MAST4: variants seen among roughly 807,000 people sequenced by gnomAD.
MAST4 encodes the protein microtubule associated serine/threonine kinase family member 4.
Under a neutral mutation model 162.7 loss-of-function variants are expected in MAST4, and 89 were observed. That is an observed-to-expected ratio of 0.55 (90% confidence interval 0.46 to 0.65). MAST4 has a LOEUF of 0.65. Among genes scored for constraint, MAST4 ranks in the 30% least tolerant of loss-of-function variants. MAST4 has a pLI of 0.00. For synonymous variants in MAST4, 1,479 were observed against 1,361.1 expected, an observed-to-expected ratio of 1.09 and a Z score of -1.91; for missense variants, 3,153 against 3,374.0, an observed-to-expected ratio of 0.93 and a Z score of 1.62.
chr5:67,014,807 T>C (rs556789956), intron 4 of MAST4, among the ~76,000 whole-genome samples: 1 of 152,228 alleles, frequency 6.6e-6, no homozygotes, highest in Non-Finnish European at 1.5e-5. Flanking sequence ...ACTTCATTTT[T>C]CTATAACATT....
At chr5:67,027,215 A>G (rs962797369) in intron 4 of MAST4, among the ~76,000 whole-genome samples, 8 of 152,180 alleles carry the variant, frequency 5.3e-5, no homozygotes, top group Non-Finnish European at 1.2e-4. Flanking sequence ...TGCTGTTTGT[A>G]TTTATTGGCA....
intron 2 of MAST4, among the ~76,000 whole-genome samples, chr5:66,779,246 G>A (rs1318518472): frequency 5.9e-5 from 9 of 152,152 alleles, no homozygotes; most frequent in Admixed American, 1.3e-4. Context: ...CCCAATACCA[G>A]CCTTCCAAAA....
chr5:67,004,253 C>T (rs1476633544), intron 4 of MAST4, among the ~76,000 whole-genome samples: 7 of 152,054 alleles, frequency 4.6e-5, no homozygotes, highest in African/African-American at 1.7e-4. Context: ...TCAGGCGCGG[C>T]CGGGGCTGGT....
chr5:66,758,378 A>G (rs778449074), intron 1 of MAST4, among the ~76,000 whole-genome samples: 22 of 151,472 alleles, frequency 1.5e-4, no homozygotes, highest in Non-Finnish European at 2.9e-4. Flanking sequence ...AACTATTATT[A>G]TTAAATAAAT....
intron 4 of MAST4, among the ~76,000 whole-genome samples, chr5:67,017,689 T>G (rs1753475818): frequency 6.6e-6 from 1 of 150,884 alleles, no homozygotes. Context: ...GTGCAACCTC[T>G]GCCTCCCAGG....
chr5:66,944,212 TA>T (rs1160671568), intron 4 of MAST4, among the ~76,000 whole-genome samples: 4 of 152,194 alleles, frequency 2.6e-5, no homozygotes, highest in African/African-American at 7.2e-5. Context: ...ATAATGTGTT[TA>T]ATTTTCCACC....
chr5:66,642,947 G>T (rs1216631841), intron 1 of MAST4, among the ~76,000 whole-genome samples: 1 of 152,136 alleles, frequency 6.6e-6, no homozygotes, highest in East Asian at 1.9e-4. Context: ...GGAAGAAGGG[G>T]TGCCATGCCA....
At chr5:67,074,069 A>G (rs1761293015) in intron 5 of MAST4, among the ~76,000 whole-genome samples, 1 of 152,190 alleles carries the variant, frequency 6.6e-6, no homozygotes, top group Non-Finnish European at 1.5e-5. Flanking sequence ...TAATGGGCAG[A>G]AGATCAATAT....
Position 67,163,704 on chromosome 5 carries a change from T to A in MAST4, c.4525T>A (p.Cys1509Ser). 1 of 1,609,290 alleles carries A rather than the reference T, an allele frequency of 6.2e-7. No homozygotes were observed. ...LSRARPVEQG[C>S]LKRPVSRKVG... ...CCGCGCCCGGCCAGTGGAGCAAGGC[T>A]GCCTGAAACGCCCAGTCTCCCGGAA... Residue 1509 changes from cysteine to serine, a missense_variant, in exon 29 of 29, where the codon TGC becomes AGC. Cys to Ser is a moderately radical substitution (Grantham distance 112, BLOSUM62 -1). This residue lies in a region of MAST4 where 1,644 missense variants were observed against 1,495.0 expected (regional missense o/e 1.10). Coordinates refer to ENST00000403625, the MANE Select transcript of MAST4 (RefSeq NM_001164664.2). This position sits in a 1 kb window ranked among gnomAD's most constrained non-coding sequence, Gnocchi z 7.0.
At chr5:67,004,256 G>C (rs1751673536) in intron 4 of MAST4, among the ~76,000 whole-genome samples, 1 of 152,096 alleles carries the variant, frequency 6.6e-6, no homozygotes, top group Non-Finnish European at 1.5e-5. Flanking sequence ...GGCGCGGCCG[G>C]GGCTGGTGGG....
chr5:66,756,437 C>T (rs1385752732), intron 1 of MAST4, among the ~76,000 whole-genome samples: 2 of 152,182 alleles, frequency 1.3e-5, no homozygotes, highest in Non-Finnish European at 2.9e-5. Context: ...GGGTATCATG[C>T]CCAGGCTTAG....
chr5:66,659,012 ACT>A (rs1361822372), intron 1 of MAST4, among the ~76,000 whole-genome samples: 1 of 152,018 alleles, frequency 6.6e-6, no homozygotes, highest in African/African-American at 2.4e-5. Flanking sequence ...ACAGAGCAAG[ACT>A]CTGTTAAAAA....
In MAST4 at chr5:67,086,563, C is replaced by G. The variant is rs567402871; in HGVS notation, c.764-3599C>G. Among the ~76,000 whole-genome samples the G allele has an allele frequency of 2.0e-5, 3 of 152,280 alleles. No homozygotes were observed. In the East Asian group the frequency reaches 5.8e-4, roughly 29 times the overall value. On this transcript the variant is annotated intron_variant, in intron 5 of 28. Coordinates refer to ENST00000403625, the MANE Select transcript of MAST4 (RefSeq NM_001164664.2). Reference sequence around the variant, plus strand: ...CTGACCACTACTAAGGTTTACTTTACCAGGTCAGAAACATCAGCAGCGATA... The same window carrying G: ...CTGACCACTACTAAGGTTTACTTTAGCAGGTCAGAAACATCAGCAGCGATA...
At chr5:66,824,537 C>G (rs1757150312) in intron 3 of MAST4, among the ~76,000 whole-genome samples, 1 of 152,162 alleles carries the variant, frequency 6.6e-6, no homozygotes, top group Non-Finnish European at 1.5e-5. Context: ...AGCAGTTCCT[C>G]GATGAACATT....
At chr5:66,727,811 C>T (rs1422164220) in intron 1 of MAST4, among the ~76,000 whole-genome samples, 1 of 151,984 alleles carries the variant, frequency 6.6e-6, no homozygotes, top group Non-Finnish European at 1.5e-5. Flanking sequence ...GGTCAGGAGT[C>T]CACAGGTCCC....
intron 4 of MAST4, among the ~76,000 whole-genome samples, chr5:66,901,649 A>G (rs1763016863): frequency 6.6e-6 from 1 of 152,174 alleles, no homozygotes; most frequent in Non-Finnish European, 1.5e-5. Context: ...TTGAGCATTC[A>G]GAAGATGAGC....
In MAST4 at chr5:67,100,600, G is replaced by C. The variant is rs755887155; in HGVS notation, c.1070+8G>C. 2 of 1,613,674 alleles carry C rather than the reference G, an allele frequency of 1.2e-6. No individual in the cohort carries two copies. The highest frequency in any genetic ancestry group is 1.7e-6 in the Non-Finnish European group (2 of 1,179,764). Reference sequence around the variant, plus strand: ...CCGTTCCCGAAGTCTGAGGTGTGTGGGCCTGGCTGAAAACCATTACTTAGT... The same window carrying C: ...CCGTTCCCGAAGTCTGAGGTGTGTGCGCCTGGCTGAAAACCATTACTTAGT... On this transcript the variant is annotated splice_region_variant and intron_variant, in intron 8 of 28. Transcript: ENST00000403625.
chr5:67,030,579 G>T (rs1474861597), intron 4 of MAST4, among the ~76,000 whole-genome samples: 1 of 152,058 alleles, frequency 6.6e-6, no homozygotes, highest in Non-Finnish European at 1.5e-5. Context: ...AGTCCTAAGG[G>T]GTGATATTTA....
At chr5:66,700,316 C>A (rs1393464339) in intron 1 of MAST4, among the ~76,000 whole-genome samples, 1 of 152,020 alleles carries the variant, frequency 6.6e-6, no homozygotes, top group African/African-American at 2.4e-5. Context: ...CCATTGTAAC[C>A]CCATACAAAT....
Sources: allele counts gnomAD v4.1 joint callset (sites outside exome capture counted in the v4.1 genomes callset), GRCh38; gene constraint gnomAD v4.1.1; regional missense constraint gnomAD v4.1.1; non-coding constraint Gnocchi (gnomAD v3.1); transcripts MANE v1.5; gene names NCBI Gene and HGNC (gene_info 2026-07-23, HGNC 2026-07-21).